The following CYRIA variants were observed in gnomAD, a reference collection of about 807,000 sequenced individuals.
CYRIA encodes the protein CYFIP related Rac1 interactor A, also known as CYFIP-related Rac1 interactor A.
CYRIA carries 15 observed loss-of-function variants against 43.9 expected under a neutral mutation model. The observed-to-expected ratio is 0.34, with a 90% CI of 0.23 to 0.53. The LOEUF (loss-of-function observed/expected upper bound fraction) is 0.53. Among genes scored for constraint, CYRIA ranks in the 20% least tolerant of loss-of-function variants. The probability of loss-of-function intolerance (pLI) is 0.94; values close to 1 mark genes in which losing one functional copy is unlikely to be tolerated. For missense variants in CYRIA, 236 were observed against 394.2 expected (o/e 0.60, Z 3.40); for synonymous variants, 117 against 136.0 (o/e 0.86, Z 0.97).
chr2:16,589,726 C>CCAT (rs1161888394), intron 2 of CYRIA, among the ~76,000 whole-genome samples: 5 of 151,942 alleles, frequency 3.3e-5, no homozygotes, highest in South Asian at 4.2e-4. Context: ...ATGATAGTCA[C>CCAT]CATCATCATC....
chr2:16,553,864 A>C (rs575849108), intron 11 of CYRIA, among the ~76,000 whole-genome samples: 1 of 152,264 alleles, frequency 6.6e-6, no homozygotes, highest in Non-Finnish European at 1.5e-5. Context: ...CAACACACTC[A>C]GAAGTTAAAG....
intron 2 of CYRIA, among the ~76,000 whole-genome samples, chr2:16,606,707 A>C (rs1252655736): frequency 6.6e-6 from 1 of 152,136 alleles, no homozygotes; most frequent in Non-Finnish European, 1.5e-5. Context: ...AGGGACCAGG[A>C]GGCGAGTCCT....
At chr2:16,582,762 T>G (rs1667592800) in intron 3 of CYRIA, among the ~76,000 whole-genome samples, 1 of 152,206 alleles carries the variant, frequency 6.6e-6, no homozygotes, top group African/African-American at 2.4e-5. Flanking sequence ...ATTCGTCAGC[T>G]GATGGGCATT....
chr2:16,629,610 A>G (rs1031204284), intron 1 of CYRIA, among the ~76,000 whole-genome samples: 1 of 152,228 alleles, frequency 6.6e-6, no homozygotes, highest in Admixed American at 6.5e-5. Context: ...AGCTCCTAGC[A>G]GCCCTAGAAA....
At chr2:16,616,660 G>T (rs1668806543) in intron 2 of CYRIA, among the ~76,000 whole-genome samples, 1 of 152,222 alleles carries the variant, frequency 6.6e-6, no homozygotes, top group Admixed American at 6.5e-5. Flanking sequence ...TAAATGGTCA[G>T]CAAGTGTTTG....
chr2:16,593,055 T>C (rs150702435), intron 2 of CYRIA, among the ~76,000 whole-genome samples: 1 of 152,318 alleles, frequency 6.6e-6, no homozygotes, highest in East Asian at 1.9e-4. Context: ...TGCATGGAAC[T>C]CTTGTCAGGA....
chr2:16,566,401 C>T (rs1488829418), intron 3 of CYRIA, among the ~76,000 whole-genome samples: 3 of 151,562 alleles, frequency 2.0e-5, no homozygotes, highest in Non-Finnish European at 4.4e-5. Flanking sequence ...AAACAGTCTG[C>T]CTTGTATTTC....
intron 1 of CYRIA, among the ~76,000 whole-genome samples, chr2:16,649,181 A>T (rs1462593001): frequency 3.3e-5 from 5 of 152,244 alleles, no homozygotes; most frequent in Non-Finnish European, 1.5e-5. Flanking sequence ...TAATCTAGAG[A>T]TTATTGAAAG....
rs376283271 is a variant in CYRIA at position 16,599,695 on chromosome 2, C to T, written c.-10-11566G>A. On this transcript the variant is annotated intron_variant, in intron 2 of 11. Coordinates refer to ENST00000381323, the MANE Select transcript of CYRIA (RefSeq NM_030797.4). ...AAATGCAGAAATCACCCGTCTTCTGCGTCACTCACGCTGGGAGCTGTAGAC... is the reference window on the plus strand; with the variant it reads ...AAATGCAGAAATCACCCGTCTTCTGTGTCACTCACGCTGGGAGCTGTAGAC... 4.3e-3 allele frequency among the ~76,000 whole-genome samples: 644 copies of T among 151,410 alleles called. 7 individuals are homozygous for T. The highest frequency in any genetic ancestry group is 0.015 in the African/African-American group (614 of 41,080).
At chr2:16,592,836 G>A (rs1667975680) in intron 2 of CYRIA, among the ~76,000 whole-genome samples, 1 of 152,078 alleles carries the variant, frequency 6.6e-6, no homozygotes, top group South Asian at 2.1e-4. Context: ...TACTTCTCTA[G>A]TTTAACCTGT....
intron 2 of CYRIA, among the ~76,000 whole-genome samples, chr2:16,590,992 T>C (rs751752714): frequency 1.2e-4 from 18 of 152,142 alleles, no homozygotes; most frequent in Admixed American, 5.2e-4. Context: ...TTATTTTTAA[T>C]TGGACCCAGA....
At chr2:16,660,183 G>C (rs75233217) in intron 1 of CYRIA, among the ~76,000 whole-genome samples, 18 of 152,208 alleles carry the variant, frequency 1.2e-4, no homozygotes, top group African/African-American at 4.1e-4. Context: ...AGAATCATCA[G>C]GCTAGATGTG....
chr2:16,660,835 C>A (rs530876312), intron 1 of CYRIA, among the ~76,000 whole-genome samples: 2 of 152,334 alleles, frequency 1.3e-5, no homozygotes, highest in South Asian at 4.1e-4. Flanking sequence ...GTCTGCAGCG[C>A]TAAGCTGGAC....
intron 2 of CYRIA, among the ~76,000 whole-genome samples, chr2:16,617,591 C>G (rs759539002): frequency 1.3e-5 from 2 of 152,258 alleles, no homozygotes; most frequent in Admixed American, 6.5e-5. Flanking sequence ...GGCCTGCAGC[C>G]AGGAGGGTAG....
rs557436644 is a variant in CYRIA at position 16,635,155 on chromosome 2, A to G, written c.-166-11136T>C. Among the ~76,000 whole-genome samples, 5 of 152,292 alleles carry G rather than the reference A, an allele frequency of 3.3e-5. No homozygotes were observed. In the East Asian group the frequency reaches 7.7e-4, roughly 24 times the overall value. The stretch of plus-strand genomic sequence containing the variant: ...TCTGCAGACATTTTTGGTTGTCACA[A>G]CTGAGGTAGATGTGGTGCTACTGGA... On this transcript the variant is annotated intron_variant, in intron 1 of 11. Coordinates refer to ENST00000381323, the MANE Select transcript of CYRIA (RefSeq NM_030797.4).
intron 3 of CYRIA, among the ~76,000 whole-genome samples, chr2:16,574,782 G>A (rs753744682): frequency 3.9e-5 from 6 of 152,218 alleles, no homozygotes; most frequent in Non-Finnish European, 8.8e-5. Flanking sequence ...AAAATGCCTG[G>A]ATGTCCAGGC....
intron 1 of CYRIA, among the ~76,000 whole-genome samples, chr2:16,644,962 A>G (rs1482182383): frequency 6.6e-6 from 1 of 152,216 alleles, no homozygotes; most frequent in Non-Finnish European, 1.5e-5. Flanking sequence ...ACCGATTACC[A>G]TTAAAATGAA....
intron 11 of CYRIA, 49 bp from the exon 12 acceptor site, chr2:16,553,048 T>TA: frequency 2.5e-6 from 3 of 1,181,620 alleles, no homozygotes; most frequent in Non-Finnish European, 3.8e-6. Context: ...GTGCTCTGTG[T>TA]AAGCTTCAGC....
chr2:16,552,688 A>G lies in CYRIA; in HGVS notation c.*248T>C, dbSNP rs944431425. 2 of 459,602 alleles carry G rather than the reference A, an allele frequency of 4.4e-6. No individual in the cohort carries two copies. The highest frequency in any genetic ancestry group is 2.0e-5 in the African/African-American group (1 of 49,774). The allele number at this position is 459,602 out of a possible 1,614,324, so 28.5% of individuals were successfully genotyped here. On this transcript the variant is annotated 3_prime_UTR_variant, in exon 12 of 12. Transcript: ENST00000381323. The stretch of plus-strand genomic sequence containing the variant: ...TTGTTAAAGGACTCCAGTAGCAAAG[A>G]TCAAAGTCTCCGAATTTTGCCTTTG...
Sources: allele counts gnomAD v4.1 joint callset (sites outside exome capture counted in the v4.1 genomes callset), GRCh38; gene constraint gnomAD v4.1.1; transcripts MANE v1.5; gene names NCBI Gene and HGNC (gene_info 2026-07-23, HGNC 2026-07-21).